The following TRIM54 variants were observed in gnomAD, a reference collection of about 807,000 sequenced individuals.
TRIM54 encodes the protein tripartite motif containing 54.
Under a neutral mutation model 42.0 loss-of-function variants are expected in TRIM54, and 40 were observed. The observed-to-expected ratio is 0.95, with a 90% CI of 0.74 to 1.24. The LOEUF is 1.24. TRIM54 is among the 50% of genes most tolerant of loss of function. The pLI is 0.00. For synonymous variants in TRIM54, 199 were observed against 194.9 expected, an observed-to-expected ratio of 1.02 and a Z score of -0.17; for missense variants, 485 against 480.3, an observed-to-expected ratio of 1.01 and a Z score of -0.09.
intron 1 of TRIM54, among the ~76,000 whole-genome samples, chr2:27,291,246 T>TC (rs1678711316): frequency 6.6e-6 from 1 of 151,916 alleles, no homozygotes; most frequent in Non-Finnish European, 1.5e-5. Flanking sequence ...TCCCAGCTAC[T>TC]CAGGAGGCTG....
chr2:27,305,357 C>T (rs1376354115), intron 4 of TRIM54: 4 of 588,800 alleles, frequency 6.8e-6, no homozygotes, highest in Non-Finnish European at 1.2e-5. Flanking sequence ...TGGAATAATG[C>T]AAATAAAAAC....
rs1476358867 is a variant in TRIM54 at position 27,282,854 on chromosome 2, C to T, written c.123C>T (p.Pro41=). ...TCTCCAAACCAGTGGTGATCCTGCC[C>T]TGCCAACACAACCTGTGCCGCAAAT... ...EMFSKPVVIL[P]CQHNLCRKCA... The change falls in exon 1 of 9, where the codon CCC becomes CCT. Residue 41 remains proline (P), a synonymous_variant. Coordinates refer to ENST00000380075, the MANE Select transcript of TRIM54 (RefSeq NM_187841.3). 5.0e-6 allele frequency: 8 copies of T among 1,613,912 alleles called. No homozygotes were observed. Among genetic ancestry groups the T allele is most frequent in the Non-Finnish European group, 6.8e-6 (8 of 1,179,898 alleles).
chr2:27,283,766 A>ACACACGCGCGCGCGCGCG (rs1164806717), intron 1 of TRIM54, among the ~76,000 whole-genome samples: 30 of 88,694 alleles, frequency 3.4e-4, no homozygotes, highest in Non-Finnish European at 4.2e-5. Context: ...GGGCAAAGGC[A>ACACACGCGCGCGCGCGCG]CACACACACA....
rs555098963 is a variant in TRIM54 at position 27,282,605 on chromosome 2, A to G, written c.-127A>G. 52 of 1,034,868 alleles carry G rather than the reference A, an allele frequency of 5.0e-5. 1 individual carries two copies. The East Asian group carries it at 1.3e-3, about 26-fold the overall frequency. 64.1% of individuals were successfully genotyped at this position (1,034,868 alleles called of 1,614,324 possible). On this transcript the variant is annotated 5_prime_UTR_variant, in exon 1 of 9. Coordinates refer to ENST00000380075, the MANE Select transcript of TRIM54 (RefSeq NM_187841.3). ...AGACAAGTTGTTAAAGGGACAGGAG[A>G]GAAAGCAGAGCTATTTCAAGAGTGA... is the stretch of plus-strand genomic sequence containing the variant.
At position 27,305,018 on chromosome 2, in the gene TRIM54, G is replaced by C. The variant is rs201573964; in HGVS notation, c.573G>C (p.Val191=). 6.8e-6 allele frequency: 11 copies of C among 1,613,992 alleles called. No homozygotes were observed. Among genetic ancestry groups the C allele is most frequent in the Non-Finnish European group, 8.5e-6 (10 of 1,179,984 alleles). The change falls in exon 4 of 9, where the codon GTG becomes GTC. Residue 191 remains valine (V), a synonymous_variant. Transcript: ENST00000380075. ...CAGGCAATGACCGCGTGCAAGCAGT[G>C]ATCACACAGATGGAGGAGGTGTGCC... ...LVAGNDRVQA[V]ITQMEEVCQT...
chr2:27,305,645 T>C lies in TRIM54; in HGVS notation c.671T>C (p.Leu224Pro), dbSNP rs376930183. The change falls in exon 5 of 9, where the codon CTG becomes CCG. Residue 224 changes from leucine (L) to proline (P), a missense_variant. Coordinates refer to ENST00000380075, the MANE Select transcript of TRIM54 (RefSeq NM_187841.3). Reference sequence around the variant, plus strand: ...AGGTTTGAGAGCCTGTGCGCAGTGCTGGAGGAGCGCAAGGGTGAGCTGCTG... The same window carrying C: ...AGGTTTGAGAGCCTGTGCGCAGTGCCGGAGGAGCGCAAGGGTGAGCTGCTG... ...NQRFESLCAVLEERKGELLQA... is the reference protein window; with the variant it reads ...NQRFESLCAVPEERKGELLQA... 6.2e-7 allele frequency: 1 copy of C among 1,613,670 alleles called. No individual in the cohort carries two copies. Among genetic ancestry groups the C allele is most frequent in the African/African-American group, 1.3e-5 (1 of 74,948 alleles).
Position 27,298,647 on chromosome 2 carries a change from T to C in TRIM54, c.249T>C (p.His83=). Residue 83 remains histidine (H), a synonymous_variant, in exon 2 of 9, where the codon CAT becomes CAC. Coordinates refer to ENST00000380075, the MANE Select transcript of TRIM54 (RefSeq NM_187841.3). Reference sequence around the variant, plus strand: ...GTTTCCGCTGCCCATCGTGCAGGCATGAGGTTGTCCTGGACAGACACGGTG... The same window carrying C: ...GTTTCCGCTGCCCATCGTGCAGGCACGAGGTTGTCCTGGACAGACACGGTG... The part of the protein sequence containing the change: ...GGRFRCPSCR[H]EVVLDRHGVY... The C allele has an allele frequency of 6.2e-7, 1 of 1,614,168 alleles. No individual in the cohort carries two copies. The highest frequency in any genetic ancestry group is 8.5e-7 in the Non-Finnish European group (1 of 1,180,014).
In TRIM54 at chr2:27,299,221, C is replaced by T. The variant is rs773196579; in HGVS notation, c.342-24C>T. ...AGGACCCTTCATGCTTAAGGTCCAC[C>T]TCCCCCTGCCCACTCCTCTCTAGGC... On this transcript the variant is annotated intron_variant, in intron 2 of 8. Coordinates refer to ENST00000380075, the MANE Select transcript of TRIM54 (RefSeq NM_187841.3). 5.6e-6 allele frequency: 9 copies of T among 1,612,100 alleles called. No homozygotes were observed. In the Admixed American group the frequency reaches 8.3e-5, roughly 15 times the overall value.
intron 1 of TRIM54, among the ~76,000 whole-genome samples, chr2:27,283,828 G>A (rs1678478899): frequency 1.7e-5 from 2 of 118,406 alleles, no homozygotes; most frequent in African/African-American, 3.0e-5. Flanking sequence ...ACACGGCCTT[G>A]CCGTTAAGTA....
intron 1 of TRIM54, among the ~76,000 whole-genome samples, chr2:27,297,754 AG>A: frequency 6.6e-6 from 1 of 152,080 alleles, no homozygotes; most frequent in Admixed American, 6.6e-5. Flanking sequence ...CCGAGGTGGG[AG>A]GGTCACTTGA....
chr2:27,295,597 C>T (rs1002431890), intron 1 of TRIM54, among the ~76,000 whole-genome samples: 5 of 152,162 alleles, frequency 3.3e-5, no homozygotes, highest in African/African-American at 1.2e-4. Context: ...TGAGCCAGCG[C>T]GCCTGGTCTC....
chr2:27,296,061 A>G (rs986803821), intron 1 of TRIM54, among the ~76,000 whole-genome samples: 1 of 152,206 alleles, frequency 6.6e-6, no homozygotes, highest in Non-Finnish European at 1.5e-5. Context: ...AAATCCCAAG[A>G]AAGATGTGAT....
At position 27,282,879 on chromosome 2, in the gene TRIM54, T is replaced by C. The variant is rs1678423469; in HGVS notation, c.148T>C (p.Cys50Arg). ...CTGCCAACACAACCTGTGCCGCAAA[T>C]GTGCCAACGACGTCTTCCAGGTGGG... Reference protein sequence around the residue: ...LPCQHNLCRKCANDVFQASNP... With the variant: ...LPCQHNLCRKRANDVFQASNP... The change falls in exon 1 of 9, where the codon TGT (cysteine) becomes CGT (arginine). Residue 50 changes from cysteine (C) to arginine (R), a missense_variant. By Grantham distance (180) the Cys-to-Arg change is radical. Transcript: ENST00000380075. 2 of 1,613,076 alleles carry C rather than the reference T, an allele frequency of 1.2e-6. No homozygotes were observed. Among genetic ancestry groups the C allele is most frequent in the Non-Finnish European group, 1.7e-6 (2 of 1,179,504 alleles).
chr2:27,290,641 A>C (rs1678695510), intron 1 of TRIM54, among the ~76,000 whole-genome samples: 1 of 152,170 alleles, frequency 6.6e-6, no homozygotes, highest in African/African-American at 2.4e-5. Context: ...GCAAGACTCC[A>C]TCTAAAAATA....
intron 1 of TRIM54, among the ~76,000 whole-genome samples, chr2:27,289,238 A>C (rs1204697185): frequency 6.6e-6 from 1 of 152,208 alleles, no homozygotes; most frequent in Non-Finnish European, 1.5e-5. Context: ...AAATGCATGC[A>C]ATATAATACA....
Position 27,298,677 on chromosome 2 carries a change from C to T in TRIM54, c.279C>T (p.Tyr93=), listed in dbSNP as rs752901265. The change falls in exon 2 of 9, where the codon TAC becomes TAT. Residue 93 remains tyrosine (Y), a synonymous_variant. Coordinates refer to ENST00000380075, the MANE Select transcript of TRIM54 (RefSeq NM_187841.3). ...HEVVLDRHGV[Y]GLQRNLLVEN... is the part of the protein sequence containing the mutation. ...TTGTCCTGGACAGACACGGTGTCTA[C>T]GGCCTGCAGCGAAACCTGCTAGTGG... is the stretch of plus-strand genomic sequence containing the variant. 1.7e-5 allele frequency: 28 copies of T among 1,614,072 alleles called. No individual in the cohort carries two copies. Among genetic ancestry groups the T allele is most frequent in the Non-Finnish European group, 2.2e-5 (26 of 1,180,030 alleles).
intron 1 of TRIM54, 84 bp downstream of exon 1, chr2:27,282,983 G>A: frequency 7.0e-7 from 1 of 1,435,480 alleles, no homozygotes; most frequent in Non-Finnish European, 9.4e-7. Flanking sequence ...GACCCCAGAA[G>A]GTGATGGATA....
rs766109032 is a variant in TRIM54, at chr2:27,282,868, T to C, written c.137T>C (p.Leu46Pro). Residue 46 changes from leucine (L) to proline (P), a missense_variant, in exon 1 of 9, where the codon CTG becomes CCG. By Grantham distance (98) the Leu-to-Pro change is moderately conservative. Transcript: ENST00000380075. ...GTGATCCTGCCCTGCCAACACAACC[T>C]GTGCCGCAAATGTGCCAACGACGTC... is the stretch of plus-strand genomic sequence containing the variant. ...PVVILPCQHN[L>P]CRKCANDVFQ... 1 of 1,613,638 alleles carries C rather than the reference T, an allele frequency of 6.2e-7. No individual in the cohort carries two copies. Among genetic ancestry groups the C allele is most frequent in the Non-Finnish European group, 8.5e-7 (1 of 1,179,776 alleles).
intron 1 of TRIM54, among the ~76,000 whole-genome samples, chr2:27,288,771 A>C (rs1027100331): frequency 2.0e-5 from 3 of 152,228 alleles, no homozygotes; most frequent in Non-Finnish European, 4.4e-5. Flanking sequence ...ACACAAACAA[A>C]GGGACAGACT....
Sources: gnomAD v4.1 joint callset for allele counts (sites outside exome capture counted in the v4.1 genomes callset) on GRCh38, gnomAD v4.1.1 for gene constraint, MANE v1.5 for transcripts, NCBI Gene and HGNC (gene_info 2026-07-23, HGNC 2026-07-21) for gene names.